The following JAM3 variants were observed in gnomAD, a reference collection of about 807,000 sequenced individuals.
JAM3 encodes the protein junctional adhesion molecule C.
Under a neutral mutation model 39.4 loss-of-function variants are expected in JAM3, and 31 were observed. The observed-to-expected ratio is 0.79, with a 90% CI of 0.59 to 1.06. JAM3 has a LOEUF of 1.06. JAM3 is among the 50% of genes least tolerant of loss of function. The pLI is 0.00. For missense variants in JAM3, 455 were observed against 391.4 expected, an observed-to-expected ratio of 1.16 and a Z score of -1.37; for synonymous variants, 182 against 148.7, an observed-to-expected ratio of 1.22 and a Z score of -1.63.
At chr11:134,122,820 A>G (rs1942562265) in intron 1 of JAM3, among the ~76,000 whole-genome samples, 1 of 152,238 alleles carries the variant, frequency 6.6e-6, no homozygotes, top group African/African-American at 2.4e-5. Flanking sequence ...ATTTTAAGCT[A>G]CCAGCATTCT....
chr11:134,146,348 A>G (rs1200660678), intron 6 of JAM3, among the ~76,000 whole-genome samples: 1 of 152,160 alleles, frequency 6.6e-6, no homozygotes, highest in Non-Finnish European at 1.5e-5. Flanking sequence ...GAATTATCAA[A>G]ATGTAAGGTG....
intron 3 of JAM3, 23 bp downstream of exon 3, chr11:134,140,793 C>T: frequency 6.3e-7 from 1 of 1,598,578 alleles, no homozygotes; most frequent in South Asian, 1.1e-5. Context: ...AGTCCTCTTG[C>T]CTGCTGACCT....
chr11:134,101,205 G>A (rs1244696782), intron 1 of JAM3, among the ~76,000 whole-genome samples: 1 of 152,146 alleles, frequency 6.6e-6, no homozygotes, highest in African/African-American at 2.4e-5. Flanking sequence ...CATACATATT[G>A]CTTAATTGTA....
intron 1 of JAM3, among the ~76,000 whole-genome samples, chr11:134,084,864 A>G (rs1941723758): frequency 6.6e-6 from 1 of 152,138 alleles, no homozygotes. Flanking sequence ...TCCCTCTGTC[A>G]TACTTCTCTT....
At chr11:134,105,145 C>T (rs947145528) in intron 1 of JAM3, among the ~76,000 whole-genome samples, 1 of 152,144 alleles carries the variant, frequency 6.6e-6, no homozygotes, top group Admixed American at 6.5e-5. Flanking sequence ...CATCAAAAAG[C>T]TTATCCACCA....
intron 1 of JAM3, among the ~76,000 whole-genome samples, chr11:134,120,677 G>A (rs1257379262): frequency 1.3e-5 from 2 of 152,134 alleles, no homozygotes; most frequent in East Asian, 1.9e-4. Flanking sequence ...GAAAGAGGAC[G>A]GGGAGTTTGC....
intron 7 of JAM3, 39 bp from the exon 8 acceptor site, chr11:134,148,725 T>C (rs1182438585): frequency 2.5e-6 from 4 of 1,613,910 alleles, no homozygotes; most frequent in African/African-American, 1.3e-5. Context: ...GGCAATAATA[T>C]AACAACCCTG....
chr11:134,112,243 C>T (rs760506387), intron 1 of JAM3, among the ~76,000 whole-genome samples: 2 of 152,108 alleles, frequency 1.3e-5, no homozygotes, highest in East Asian at 1.9e-4. Flanking sequence ...TGCACCACCA[C>T]GCCCAGCTCA....
intron 1 of JAM3, among the ~76,000 whole-genome samples, chr11:134,108,609 A>G (rs1487267348): frequency 1.3e-5 from 2 of 152,228 alleles, no homozygotes; most frequent in Non-Finnish European, 2.9e-5. Context: ...ACAAAAACCA[A>G]CCGAGGTTTA....
intron 1 of JAM3, among the ~76,000 whole-genome samples, chr11:134,080,392 T>A (rs1200922816): frequency 6.6e-6 from 1 of 152,254 alleles, no homozygotes; most frequent in Non-Finnish European, 1.5e-5. Context: ...ATGGTTTGGC[T>A]CTGTGTCCCC....
chr11:134,113,467 T>A (rs898714542), intron 1 of JAM3, among the ~76,000 whole-genome samples: 2 of 152,180 alleles, frequency 1.3e-5, no homozygotes, highest in African/African-American at 4.8e-5. Flanking sequence ...CTTGTGATAG[T>A]TTGCTGAGAA....
At chr11:134,107,585 T>G (rs1033445166) in intron 1 of JAM3, among the ~76,000 whole-genome samples, 4 of 151,966 alleles carry the variant, frequency 2.6e-5, no homozygotes, top group Non-Finnish European at 2.9e-5. Flanking sequence ...TAGGGTGAAA[T>G]CTACAGCATG....
intron 1 of JAM3, among the ~76,000 whole-genome samples, chr11:134,094,517 A>G (rs1941939447): frequency 6.8e-6 from 1 of 147,136 alleles, no homozygotes; most frequent in South Asian, 2.2e-4. Context: ...CTCCTTATTC[A>G]TCATGTTCCA....
intron 1 of JAM3, among the ~76,000 whole-genome samples, chr11:134,127,951 C>A (rs902517891): frequency 6.6e-6 from 1 of 152,076 alleles, no homozygotes; most frequent in Non-Finnish European, 1.5e-5. Context: ...ACAGACATGC[C>A]TTTCTTGTTG....
chr11:134,136,346 C>T (rs759329993), intron 1 of JAM3, among the ~76,000 whole-genome samples: 9 of 152,108 alleles, frequency 5.9e-5, no homozygotes, highest in Non-Finnish European at 7.4e-5. Flanking sequence ...TACTTCTGTC[C>T]GAATCTTATC....
intron 1 of JAM3, among the ~76,000 whole-genome samples, chr11:134,114,340 C>T (rs1475194016): frequency 6.6e-6 from 1 of 152,044 alleles, no homozygotes; most frequent in Non-Finnish European, 1.5e-5. Flanking sequence ...GTCTTTAATC[C>T]ATCTTGAATT....
intron 1 of JAM3, among the ~76,000 whole-genome samples, chr11:134,103,046 A>G (rs1340706274): frequency 3.3e-5 from 5 of 152,204 alleles, no homozygotes; most frequent in African/African-American, 1.2e-4. Context: ...GAGCAACTCC[A>G]AGACACATAA....
chr11:134,135,137 T>C (rs1942840964), intron 1 of JAM3, among the ~76,000 whole-genome samples: 1 of 152,210 alleles, frequency 6.6e-6, no homozygotes, highest in African/African-American at 2.4e-5. Flanking sequence ...CTCTTAAATT[T>C]AATAGTTTTA....
At chr11:134,122,222 G>A (rs1591794950) in intron 1 of JAM3, among the ~76,000 whole-genome samples, 1 of 152,188 alleles carries the variant, frequency 6.6e-6, no homozygotes, top group South Asian at 2.1e-4. Context: ...GTCCCGGTCT[G>A]TTCCTACTGG....
Sources: gnomAD v4.1 joint callset for allele counts (sites outside exome capture counted in the v4.1 genomes callset) on GRCh38, gnomAD v4.1.1 for gene constraint, MANE v1.5 for transcripts, NCBI Gene and HGNC (gene_info 2026-07-23, HGNC 2026-07-21) for gene names.